The following PARP1 variants were observed in gnomAD, a reference collection of about 807,000 sequenced individuals.
The protein encoded by PARP1 is poly [ADP-ribose] polymerase 1.
In PARP1, 44 loss-of-function variants were observed where a neutral mutation model predicts 118.7. The ratio of observed to expected loss-of-function variants is 0.37; its 90% CI spans 0.29 to 0.48. The LOEUF is 0.48. PARP1 is among the 20% of genes least tolerant of loss of function. The pLI, the probability that PARP1 is intolerant of heterozygous loss-of-function variation, is 0.99. For synonymous variants in PARP1, 492 were observed against 483.2 expected (o/e 1.02, Z -0.24); for missense variants, 1,100 against 1,272.4 (o/e 0.86, Z 2.06).
chr1:226,375,929 T>C (rs968941513), intron 13 of PARP1, among the ~76,000 whole-genome samples: 1 of 152,210 alleles, frequency 6.6e-6, no homozygotes, highest in Non-Finnish European at 1.5e-5. Context: ...ATATCTACCA[T>C]TACTTTAACT....
chr1:226,380,062 C>T lies in PARP1; in HGVS notation c.1403G>A (p.Ser468Asn). ...GTGCGCTAAGAACAACTCCTGAAGG[C>T]TCTTGGTGGAGGCGGAGACGTCCTG... Reference protein sequence around the residue: ...FLQDVSASTKSLQELFLAHIL... With the variant: ...FLQDVSASTKNLQELFLAHIL... Residue 468 changes from serine to asparagine, a missense_variant, in exon 10 of 23, where the codon AGC becomes AAC. Coordinates refer to ENST00000366794, the MANE Select transcript of PARP1 (RefSeq NM_001618.4). 2 of 1,614,254 alleles carry T rather than the reference C, an allele frequency of 1.2e-6. No individual in the cohort carries two copies. The highest frequency in any genetic ancestry group is 2.2e-5 in the South Asian group (2 of 91,088).
At chr1:226,397,686 T>C (rs908722880) in intron 2 of PARP1, among the ~76,000 whole-genome samples, 2 of 152,206 alleles carry the variant, frequency 1.3e-5, no homozygotes, top group African/African-American at 4.8e-5. Flanking sequence ...GCTCCGGCCA[T>C]GTCAACTGCC....
chr1:226,376,132 C>T (rs1664482269), intron 13 of PARP1, among the ~76,000 whole-genome samples: 1 of 152,046 alleles, frequency 6.6e-6, no homozygotes, highest in African/African-American at 2.4e-5. Flanking sequence ...TCATGAGGCC[C>T]TCTGTAAACT....
At chr1:226,404,992 T>C (rs1407790260) in intron 1 of PARP1, among the ~76,000 whole-genome samples, 3 of 152,134 alleles carry the variant, frequency 2.0e-5, no homozygotes, top group Non-Finnish European at 4.4e-5. Flanking sequence ...ACCAAAATGC[T>C]GGAGGGCCCA....
chr1:226,407,547 A>C (rs1038926567), intron 1 of PARP1, among the ~76,000 whole-genome samples: 4 of 152,036 alleles, frequency 2.6e-5, no homozygotes, highest in Non-Finnish European at 5.9e-5. Context: ...AGAAGAGAAG[A>C]GGCTCCTCGT....
chr1:226,379,453 G>A, intron 11 of PARP1, 120 bp downstream of exon 11: 1 of 1,120,780 alleles, frequency 8.9e-7, no homozygotes. Context: ...AGGCCTGAGT[G>A]AGGACAAAGG....
Position 226,365,995 on chromosome 1 carries a change from G to A in PARP1, c.2464C>T (p.His822Tyr). The change falls in exon 18 of 23, where the codon CAT becomes TAT. Residue 822 changes from histidine (H) to tyrosine (Y), a missense_variant. Transcript: ENST00000366794. ...TCATACGCATTGTGTGTGGTTGCAT[G>A]AGTGTTCTTAACATACTTCCTGATG... ...EIIRKYVKNT[H>Y]ATTHNAYDLE... is the part of the protein sequence containing the mutation. The A allele has an allele frequency of 6.2e-7, 1 of 1,613,276 alleles. No homozygotes were observed. Among genetic ancestry groups the A allele is most frequent in the Non-Finnish European group, 8.5e-7 (1 of 1,179,232 alleles).
chr1:226,390,690 A>G, intron 3 of PARP1, 66 bp from the exon 4 acceptor site: 1 of 1,449,050 alleles, frequency 6.9e-7, no homozygotes, highest in East Asian at 2.4e-5. Flanking sequence ...TGATACGGGC[A>G]GCCTGTGCTC....
intron 1 of PARP1, among the ~76,000 whole-genome samples, chr1:226,402,904 T>C (rs1025974611): frequency 2.0e-5 from 3 of 152,188 alleles, no homozygotes; most frequent in African/African-American, 7.2e-5. Context: ...TCCCAGATAA[T>C]GAGCAAAGCA....
chr1:226,386,315 A>T lies in PARP1; in HGVS notation c.834+11T>A. ...CACATGCGTGTCCCACTTAACACAAAGGCAGCTCACCGCCGACTCCCCAGA... is the reference window on the plus strand; with the variant it reads ...CACATGCGTGTCCCACTTAACACAATGGCAGCTCACCGCCGACTCCCCAGA... On this transcript the variant is annotated intron_variant, in intron 6 of 22. Coordinates refer to ENST00000366794, the MANE Select transcript of PARP1 (RefSeq NM_001618.4). 1 of 1,544,160 alleles carries T rather than the reference A, an allele frequency of 6.5e-7. No individual in the cohort carries two copies. The highest frequency in any genetic ancestry group is 9.0e-7 in the Non-Finnish European group (1 of 1,116,194).
chr1:226,364,582 G>A (rs1433584614), intron 19 of PARP1, among the ~76,000 whole-genome samples: 1 of 152,212 alleles, frequency 6.6e-6, no homozygotes, highest in African/African-American at 2.4e-5. Context: ...CTGTCCAGGT[G>A]GACCCATCTA....
chr1:226,372,440 G>A (rs1411313261), intron 14 of PARP1, among the ~76,000 whole-genome samples: 3 of 152,234 alleles, frequency 2.0e-5, no homozygotes, highest in African/African-American at 4.8e-5. Context: ...GGGAGGCTGA[G>A]GCAGGTGGAT....
At chr1:226,364,906 A>G in intron 19 of PARP1, 96 bp downstream of exon 19, 4 of 1,357,362 alleles carry the variant, frequency 2.9e-6, no homozygotes, top group Non-Finnish European at 4.2e-6. Flanking sequence ...GTCTGGCAGA[A>G]TCCCCCTAAA....
At chr1:226,363,520 T>C (rs1242316754) in intron 20 of PARP1, among the ~76,000 whole-genome samples, 1 of 152,226 alleles carries the variant, frequency 6.6e-6, no homozygotes, top group African/African-American at 2.4e-5. Context: ...CTAGGGTCGA[T>C]GTCCAAATCA....
intron 2 of PARP1, among the ~76,000 whole-genome samples, chr1:226,396,280 A>T (rs1664915090): frequency 6.6e-6 from 1 of 152,100 alleles, no homozygotes; most frequent in Non-Finnish European, 1.5e-5. Context: ...CGGGAGACAG[A>T]GGATGCAGTG....
intron 9 of PARP1, 140 bp downstream of exon 9, chr1:226,380,928 C>T: frequency 1.1e-6 from 1 of 943,418 alleles, no homozygotes; most frequent in Non-Finnish European, 1.7e-6. Flanking sequence ...TACTGGTTTC[C>T]CTTCATAAAG....
At chr1:226,379,452 T>C in intron 11 of PARP1, 121 bp downstream of exon 11, 1 of 1,139,958 alleles carries the variant, frequency 8.8e-7, no homozygotes, top group Non-Finnish European at 1.3e-6. Context: ...GAGGCCTGAG[T>C]GAGGACAAAG....
At chr1:226,380,188 A>C (rs778978498) in intron 9 of PARP1, 24 bp from the exon 10 acceptor site, 1 of 1,613,026 alleles carries the variant, frequency 6.2e-7, no homozygotes, top group Non-Finnish European at 8.5e-7. Context: ...AAGGAAAAAA[A>C]ACCAAAATAC....
chr1:226,389,584 G>T (rs1664784169), intron 4 of PARP1, among the ~76,000 whole-genome samples: 1 of 152,220 alleles, frequency 6.6e-6, no homozygotes, highest in African/African-American at 2.4e-5. Context: ...CATGGCATAA[G>T]TGGGAGCTGA....
Sources: allele counts gnomAD v4.1 joint callset (sites outside exome capture counted in the v4.1 genomes callset), GRCh38; gene constraint gnomAD v4.1.1; transcripts MANE v1.5; gene names NCBI Gene and HGNC (gene_info 2026-07-23, HGNC 2026-07-21).